Variants in LASP1 observed in about 807,000 individuals in gnomAD.
LASP1 encodes LIM and SH3 domain protein 1.
Under a neutral mutation model 38.6 loss-of-function variants are expected in LASP1, and 10 were observed. That is an observed-to-expected ratio of 0.26 (90% CI 0.16 to 0.44). The LOEUF is 0.44. Ranked by LOEUF, LASP1 falls within the 20% of genes least tolerant of loss-of-function variation. The pLI is 1.00. For missense variants in LASP1, 243 were observed against 375.7 expected, an observed-to-expected ratio of 0.65 and a Z score of 2.92; for synonymous variants, 132 against 140.8, an observed-to-expected ratio of 0.94 and a Z score of 0.44.
chr17:38,886,110 C>T (rs1371540347), intron 2 of LASP1, among the ~76,000 whole-genome samples: 1 of 151,884 alleles, frequency 6.6e-6, no homozygotes, highest in Non-Finnish European at 1.5e-5. Context: ...CATTCTCTCT[C>T]ACTCGCTCTC....
chr17:38,909,186 G>A (rs1206040680), intron 4 of LASP1, among the ~76,000 whole-genome samples: 1 of 152,092 alleles, frequency 6.6e-6, no homozygotes, highest in African/African-American at 2.4e-5. Flanking sequence ...TTCCCCTGAG[G>A]GTGGGGGAGA....
rs1196914516 is a variant in LASP1 at position 38,919,977 on chromosome 17, A to C, written c.*1199A>C. 10 of 534,902 alleles carry C rather than the reference A, an allele frequency of 1.9e-5. No homozygotes were observed. The highest frequency in any genetic ancestry group is 3.7e-5 in the African/African-American group (2 of 53,868). The allele number at this position is 534,902 out of a possible 1,614,324, so 33.1% of individuals were successfully genotyped here. A position where few individuals can be genotyped will look rare whatever the true frequency, so the allele number is the denominator to read the frequency against. ...GTATGAAGAGCTGTCTTCCCCTGAG[A>C]GTTTCCTCAGAACCCACAGTGAGAG... On this transcript the variant is annotated 3_prime_UTR_variant, in exon 7 of 7. Transcript: ENST00000318008.
intron 1 of LASP1, among the ~76,000 whole-genome samples, chr17:38,875,056 C>CGT (rs3220064): frequency 0.032 from 4,498 of 140,416 alleles, 86 homozygotes; most frequent in Non-Finnish European, 0.038. Context: ...TGTAGCCCTT[C>CGT]GTGTGTGTGT....
chr17:38,910,451 TC>T lies in LASP1; in HGVS notation c.358-3867del, dbSNP rs539990429. On this transcript the variant is annotated intron_variant, in intron 4 of 6. Coordinates refer to ENST00000318008, the MANE Select transcript of LASP1 (RefSeq NM_006148.4). ...ATATTATTCCTCTTTTGGTTCTTCT[TC>T]CCCCCCTCCACCGCCCCCTGCCAAG... 2.0e-3 allele frequency among the ~76,000 whole-genome samples: 303 copies of T among 151,608 alleles called. 1 individual carries two copies. The highest frequency in any genetic ancestry group is 3.4e-3 in the Middle Eastern group (1 of 294).
At chr17:38,874,570 G>A (rs1352371110) in intron 1 of LASP1, among the ~76,000 whole-genome samples, 1 of 152,158 alleles carries the variant, frequency 6.6e-6, no homozygotes, top group African/African-American at 2.4e-5. Context: ...TGAAGCTGCT[G>A]GAGGTGCCAA....
At chr17:38,898,779 T>G in intron 4 of LASP1, 1 of 552,294 alleles carries the variant, frequency 1.8e-6, no homozygotes, top group Middle Eastern at 2.8e-4. Flanking sequence ...CAGCCCCCAC[T>G]CTCTCTGACT....
At chr17:38,895,432 T>C (rs1914458694) in intron 3 of LASP1, among the ~76,000 whole-genome samples, 1 of 151,908 alleles carries the variant, frequency 6.6e-6, no homozygotes, top group South Asian at 2.1e-4. Context: ...GGAATTCTCC[T>C]GCCTCAGCCT....
intron 2 of LASP1, 42 bp from the exon 3 acceptor site, chr17:38,890,378 C>T (rs765564764): frequency 2.6e-6 from 4 of 1,564,618 alleles, no homozygotes; most frequent in Non-Finnish European, 1.8e-6. Context: ...GCTCCTGCCC[C>T]TCCCCCAGAG....
intron 2 of LASP1, among the ~76,000 whole-genome samples, chr17:38,885,085 G>C (rs1222064707): frequency 1.3e-5 from 2 of 152,182 alleles, no homozygotes; most frequent in African/African-American, 4.8e-5. Flanking sequence ...AACGAGTTGG[G>C]TTTGAAGGAT....
At chr17:38,917,869 T>C (rs1317854517) in intron 6 of LASP1, among the ~76,000 whole-genome samples, 1 of 151,992 alleles carries the variant, frequency 6.6e-6, no homozygotes, top group Non-Finnish European at 1.5e-5. Flanking sequence ...TTTTATTTTT[T>C]GTTGAGATGG....
chr17:38,912,372 CCAGGGTGCCACAGGGT>C (rs1157755405), intron 4 of LASP1, among the ~76,000 whole-genome samples: 1 of 151,490 alleles, frequency 6.6e-6, no homozygotes, highest in East Asian at 2.0e-4. Context: ...TGCCACAGGG[CCAGGGTGCCACAGGGT>C]CAGGGTAGGG....
chr17:38,911,459 G>A (rs957441230), intron 4 of LASP1, among the ~76,000 whole-genome samples: 1 of 152,160 alleles, frequency 6.6e-6, no homozygotes, highest in Admixed American at 6.5e-5. Flanking sequence ...TCAGAGACTT[G>A]TGGGGAGGAT....
chr17:38,879,971 T>A (rs1913894890), intron 2 of LASP1, among the ~76,000 whole-genome samples: 1 of 152,056 alleles, frequency 6.6e-6, no homozygotes, highest in Admixed American at 6.6e-5. Context: ...CAGCTGCCCC[T>A]TCTCTTCTAT....
intron 2 of LASP1, among the ~76,000 whole-genome samples, chr17:38,879,929 G>T (rs570644198): frequency 2.6e-4 from 39 of 152,280 alleles, no homozygotes; most frequent in Non-Finnish European, 4.6e-4. Flanking sequence ...CTGGGTAAAG[G>T]AAGGGTTGCA....
intron 1 of LASP1, 56 bp downstream of exon 1, chr17:38,870,314 A>C: frequency 6.3e-7 from 1 of 1,587,370 alleles, no homozygotes; most frequent in South Asian, 1.1e-5. Context: ...CTCCGAATCC[A>C]GGGAGGAGAG....
chr17:38,891,972 G>A (rs1486605904), intron 3 of LASP1, among the ~76,000 whole-genome samples: 1 of 151,908 alleles, frequency 6.6e-6, no homozygotes, highest in African/African-American at 2.4e-5. Flanking sequence ...ACCTGTGGTC[G>A]TAGCTACTTG....
At chr17:38,907,792 C>A (rs1252597751) in intron 4 of LASP1, among the ~76,000 whole-genome samples, 1 of 152,202 alleles carries the variant, frequency 6.6e-6, no homozygotes, top group Admixed American at 6.5e-5. Flanking sequence ...ATCAGTTTCC[C>A]CAGCCCTTTA....
intron 2 of LASP1, 103 bp downstream of exon 2, chr17:38,878,283 C>A: frequency 1.4e-6 from 1 of 729,308 alleles, no homozygotes; most frequent in Non-Finnish European, 2.4e-6. Context: ...TTGGCGAACA[C>A]TTCCATCCCC....
At chr17:38,893,731 G>A (rs1184816341) in intron 3 of LASP1, among the ~76,000 whole-genome samples, 1 of 152,194 alleles carries the variant, frequency 6.6e-6, no homozygotes, top group Non-Finnish European at 1.5e-5. Flanking sequence ...CTCAAGCTGG[G>A]GGCTGGGCCT....
Sources: allele counts gnomAD v4.1 joint callset (sites outside exome capture counted in the v4.1 genomes callset), GRCh38; gene constraint gnomAD v4.1.1; transcripts MANE v1.5; gene names NCBI Gene and HGNC (gene_info 2026-07-23, HGNC 2026-07-21).